Variants in AMTN observed in about 807,000 individuals in gnomAD.
AMTN encodes the protein RSTI689.
Under a neutral mutation model 27.4 loss-of-function variants are expected in AMTN, and 29 were observed. That is an observed-to-expected ratio of 1.06 (90% CI 0.79 to 1.44). The LOEUF (loss-of-function observed/expected upper bound fraction) is 1.44. Ranked by LOEUF, AMTN falls within the 40% of genes most tolerant of loss-of-function variation. The pLI is 0.00. For missense variants in AMTN, 247 were observed against 248.8 expected, an observed-to-expected ratio of 0.99 and a Z score of 0.05; for synonymous variants, 86 against 95.7, an observed-to-expected ratio of 0.90 and a Z score of 0.59.
chr4:70,522,841 A>G lies in AMTN; in HGVS notation c.138+3A>G. Reference sequence around the variant, plus strand: ...CAAACCAACAGCAGTCAAATCAGGTAAGAGTCCTACAATATGGAACATGTA... The same window carrying G: ...CAAACCAACAGCAGTCAAATCAGGTGAGAGTCCTACAATATGGAACATGTA... On this transcript the variant is annotated splice_donor_region_variant and intron_variant, in intron 3 of 8. Transcript: ENST00000339336. 6.2e-7 allele frequency: 1 copy of G among 1,613,588 alleles called. No homozygotes were observed. The highest frequency in any genetic ancestry group is 1.7e-4 in the Middle Eastern group (1 of 6,054).
chr4:70,529,991 T>TA (rs34909560), intron 7 of AMTN, among the ~76,000 whole-genome samples: 27,513 of 152,130 alleles, frequency 0.18, 2,799 homozygotes, highest in African/African-American at 0.26. Context: ...GCAGATCCTT[T>TA]ACATATGTTG....
intron 7 of AMTN, 106 bp downstream of exon 7, chr4:70,529,316 T>C (rs1736166193): frequency 2.8e-6 from 2 of 712,270 alleles, no homozygotes; most frequent in Non-Finnish European, 2.1e-6. Flanking sequence ...TGGTATGTAC[T>C]ACAATGAACT....
intron 5 of AMTN, among the ~76,000 whole-genome samples, chr4:70,528,201 C>A (rs1736138827): frequency 6.9e-6 from 1 of 145,020 alleles, no homozygotes; most frequent in African/African-American, 2.6e-5. Context: ...TCTAAATGTG[C>A]TATCTTGAAC....
rs572941352 is a variant in AMTN, at chr4:70,532,085, C to G, written c.620-370C>G. Among the ~76,000 whole-genome samples the G allele has an allele frequency of 2.0e-5, 3 of 152,314 alleles. No homozygotes were observed. In the South Asian group the frequency reaches 6.2e-4, roughly 32 times the overall value. On this transcript the variant is annotated intron_variant, in intron 8 of 8. Coordinates refer to ENST00000339336, the MANE Select transcript of AMTN (RefSeq NM_212557.4). ...ATAGAAGCCTATAGGAGACACACTTCAGTTCATCATGACCCTGTCTCCACT... is the reference window on the plus strand; with the variant it reads ...ATAGAAGCCTATAGGAGACACACTTGAGTTCATCATGACCCTGTCTCCACT...
intron 5 of AMTN, among the ~76,000 whole-genome samples, chr4:70,527,972 G>A (rs934549484): frequency 6.6e-6 from 1 of 152,168 alleles, no homozygotes; most frequent in Non-Finnish European, 1.5e-5. Flanking sequence ...TATTTTAACA[G>A]CAAGATGTCC....
rs1381910375 is a variant in AMTN at position 70,532,660 on chromosome 4, T to A, written c.*195T>A. The A allele has an allele frequency of 2.0e-6, 1 of 508,794 alleles. No homozygotes were observed. The highest frequency in any genetic ancestry group is 2.0e-5 in the African/African-American group (1 of 50,026). 31.5% of individuals were successfully genotyped at this position (508,794 alleles called of 1,614,324 possible). On this transcript the variant is annotated 3_prime_UTR_variant, in exon 9 of 9. Transcript: ENST00000339336. ...AGAGAATCCCAACTTTTAAAAACAA[T>A]AATTCAATGGATAAATCTGTCTTTG...
chr4:70,522,778 C>G lies in AMTN; in HGVS notation c.78C>G (p.Leu26=), dbSNP rs772051982. 1.2e-6 allele frequency: 2 copies of G among 1,614,046 alleles called. No homozygotes were observed. Among genetic ancestry groups the G allele is most frequent in the South Asian group, 2.2e-5 (2 of 91,076 alleles). The change falls in exon 3 of 9, where the codon CTC becomes CTG. Residue 26 remains leucine, a synonymous_variant. Transcript: ENST00000339336. ...SLPQLKPALG[L]PPTKLAPDQG... is the part of the protein sequence containing the mutation. ...AGCAGCTCAAACCTGCTTTGGGACTCCCTCCCACAAAACTGGCTCCGGATC... is the reference window on the plus strand; with the variant it reads ...AGCAGCTCAAACCTGCTTTGGGACTGCCTCCCACAAAACTGGCTCCGGATC...
chr4:70,532,692 A>G lies in AMTN; in HGVS notation c.*227A>G. Reference sequence around the variant, plus strand: ...ATGGATAAATCTGTCTTTGAAATATAACATTATGCTGCCTGGATGATATGC... The same window carrying G: ...ATGGATAAATCTGTCTTTGAAATATGACATTATGCTGCCTGGATGATATGC... On this transcript the variant is annotated 3_prime_UTR_variant, in exon 9 of 9. Transcript: ENST00000339336. 1 of 475,708 alleles carries G rather than the reference A, an allele frequency of 2.1e-6. No individual in the cohort carries two copies. The highest frequency in any genetic ancestry group is 3.7e-6 in the Non-Finnish European group (1 of 269,430). The allele number at this position is 475,708 out of a possible 1,614,324, so 29.5% of individuals were successfully genotyped here.
At chr4:70,518,894 T>C in intron 2 of AMTN, 63 bp downstream of exon 2, 2 of 1,320,560 alleles carry the variant, frequency 1.5e-6, no homozygotes, top group Non-Finnish European at 2.2e-6. Flanking sequence ...GCTGCAGACC[T>C]ACCTCTCTCC....
intron 7 of AMTN, among the ~76,000 whole-genome samples, chr4:70,530,443 A>T (rs1360532890): frequency 6.6e-6 from 1 of 152,164 alleles, no homozygotes; most frequent in East Asian, 1.9e-4. Flanking sequence ...ATATCTCTTA[A>T]ATGTAACACA....
At chr4:70,521,426 G>T (rs1253850218) in intron 2 of AMTN, among the ~76,000 whole-genome samples, 2 of 139,048 alleles carry the variant, frequency 1.4e-5, no homozygotes, top group African/African-American at 5.2e-5. Context: ...AAAAAAAATT[G>T]GTAGTCATTG....
intron 2 of AMTN, among the ~76,000 whole-genome samples, chr4:70,521,312 G>A (rs963732003): frequency 1.3e-5 from 2 of 150,216 alleles, no homozygotes; most frequent in Non-Finnish European, 2.9e-5. Flanking sequence ...CCTGGGAGGT[G>A]GAGGTTGCAG....
intron 5 of AMTN, among the ~76,000 whole-genome samples, chr4:70,527,440 T>A (rs1172020708): frequency 6.6e-6 from 1 of 152,210 alleles, no homozygotes; most frequent in Non-Finnish European, 1.5e-5. Flanking sequence ...AAATCAAAAA[T>A]ATACCAACCA....
At chr4:70,522,974 A>G in intron 3 of AMTN, 136 bp downstream of exon 3, 1 of 722,606 alleles carries the variant, frequency 1.4e-6, no homozygotes, top group Non-Finnish European at 2.2e-6. Flanking sequence ...AGACTGAACA[A>G]GAGAGAGGCT....
Position 70,531,298 on chromosome 4 carries a change from A to G in AMTN, c.617A>G (p.Asn206Ser). 6.2e-7 allele frequency: 1 copy of G among 1,613,666 alleles called. No homozygotes were observed. Among genetic ancestry groups the G allele is most frequent in the East Asian group, 2.2e-5 (1 of 44,860 alleles). Reference sequence around the variant, plus strand: ...GAGGAAGCCACCACAGAATCAGCAAATGGTAAATTCTCCTAGCTTGGAACA... The same window carrying G: ...GAGGAAGCCACCACAGAATCAGCAAGTGGTAAATTCTCCTAGCTTGGAACA... ...AIEEATTESANGIQ is the reference protein window; with the variant it reads ...AIEEATTESASGIQ Residue 206 changes from asparagine to serine, a missense_variant and splice_region_variant, in exon 8 of 9, where the codon AAT becomes AGT. By Grantham distance (46) the Asn-to-Ser change is conservative (BLOSUM62 1). Coordinates refer to ENST00000339336, the MANE Select transcript of AMTN (RefSeq NM_212557.4).
chr4:70,527,880 T>G lies in AMTN; in HGVS notation c.295-843T>G, dbSNP rs139132040. 1.2e-4 allele frequency among the ~76,000 whole-genome samples: 19 copies of G among 152,326 alleles called. No homozygotes were observed. The East Asian group carries it at 3.5e-3, about 28-fold the overall frequency. On this transcript the variant is annotated intron_variant, in intron 5 of 8. Transcript: ENST00000339336. Reference sequence around the variant, plus strand: ...TTTATAATATTTAGTTTGTTATCAGTGACCCTTGAATTATTTCTCGCCTAG... The same window carrying G: ...TTTATAATATTTAGTTTGTTATCAGGGACCCTTGAATTATTTCTCGCCTAG...
chr4:70,522,863 T>C (rs371617949), intron 3 of AMTN, 25 bp downstream of exon 3: 7 of 1,603,114 alleles, frequency 4.4e-6, no homozygotes, highest in Non-Finnish European at 6.0e-6. Context: ...ATATGGAACA[T>C]GTACAAACCG....
At position 70,531,082 on chromosome 4, in the gene AMTN, G is replaced by C; in HGVS notation, c.401G>C (p.Gly134Ala). Residue 134 changes from glycine (G) to alanine (A), a missense_variant, in exon 8 of 9, where the codon GGA becomes GCA. By Grantham distance (60) the Gly-to-Ala change is moderately conservative. Coordinates refer to ENST00000339336, the MANE Select transcript of AMTN (RefSeq NM_212557.4). ...TSLIIHSLFPGGILPTSQAGA... is the reference protein window; with the variant it reads ...TSLIIHSLFPAGILPTSQAGA... ...CTCATCATCCATTCCTTGTTCCCGG[G>C]AGGCATCCTGCCCACCAGTCAGGCA... 6.2e-7 allele frequency: 1 copy of C among 1,614,032 alleles called. No individual in the cohort carries two copies. Among genetic ancestry groups the C allele is most frequent in the Non-Finnish European group, 8.5e-7 (1 of 1,179,974 alleles).
At chr4:70,529,589 G>A (rs996939885) in intron 7 of AMTN, among the ~76,000 whole-genome samples, 4 of 152,066 alleles carry the variant, frequency 2.6e-5, no homozygotes, top group Non-Finnish European at 5.9e-5. Context: ...TCCTTGACTT[G>A]GATATTTAAT....
Sources: gnomAD v4.1 joint callset for allele counts (sites outside exome capture counted in the v4.1 genomes callset) on GRCh38, gnomAD v4.1.1 for gene constraint, MANE v1.5 for transcripts, NCBI Gene and HGNC (gene_info 2026-07-23, HGNC 2026-07-21) for gene names.